The following PHACTR1 variants were observed in gnomAD, a reference collection of about 807,000 sequenced individuals.
The protein encoded by PHACTR1 is RPEL repeat containing 1.
In PHACTR1, 16 loss-of-function variants were observed where a neutral mutation model predicts 69.2. The observed-to-expected ratio is 0.23, with a 90% CI of 0.16 to 0.35. The LOEUF is 0.35. Ranked by LOEUF, PHACTR1 falls within the 10% of genes least tolerant of loss-of-function variation. The pLI is 1.00. For synonymous variants in PHACTR1, 312 were observed against 284.5 expected, an observed-to-expected ratio of 1.10 and a Z score of -0.97; for missense variants, 510 against 734.7, an observed-to-expected ratio of 0.69 and a Z score of 3.54.
chr6:13,110,811 G>A (rs951126844), intron 5 of PHACTR1, among the ~76,000 whole-genome samples: 8 of 152,140 alleles, frequency 5.3e-5, no homozygotes, highest in Non-Finnish European at 7.4e-5. Flanking sequence ...TTTTGTCCAG[G>A]TTCCTACTTT....
intron 3 of PHACTR1, among the ~76,000 whole-genome samples, chr6:12,746,096 G>A (rs1372148020): frequency 6.6e-6 from 1 of 152,202 alleles, no homozygotes; most frequent in African/African-American, 2.4e-5. Flanking sequence ...GACTGACTGT[G>A]TGGAACTGTT....
chr6:12,738,462 C>A (rs1764596127), intron 3 of PHACTR1, among the ~76,000 whole-genome samples: 1 of 152,178 alleles, frequency 6.6e-6, no homozygotes, highest in East Asian at 1.9e-4. Flanking sequence ...AGTTAGCATC[C>A]CTTATCAGTT....
intron 4 of PHACTR1, among the ~76,000 whole-genome samples, chr6:12,864,573 G>T (rs1264077740): frequency 6.6e-6 from 1 of 151,906 alleles, no homozygotes; most frequent in Non-Finnish European, 1.5e-5. Context: ...CCAGCTACTC[G>T]GGAGGCTGAG....
At chr6:13,137,800 T>C (rs1011569068) in intron 5 of PHACTR1, among the ~76,000 whole-genome samples, 1 of 152,272 alleles carries the variant, frequency 6.6e-6, no homozygotes, top group Admixed American at 6.5e-5. Context: ...ATATGTCTGT[T>C]GGGCTCACCT....
chr6:12,821,474 AAAAAAAAAAAGAG>A (rs1776198596), intron 4 of PHACTR1, among the ~76,000 whole-genome samples: 1 of 106,194 alleles, frequency 9.4e-6, no homozygotes, highest in Admixed American at 1.1e-4. Context: ...AAAAAAAAAA[AAAAAAAAAAAGAG>A]AGAGAGAGAG....
chr6:13,239,621 G>A (rs1772523657), intron 10 of PHACTR1, among the ~76,000 whole-genome samples: 1 of 152,218 alleles, frequency 6.6e-6, no homozygotes, highest in African/African-American at 2.4e-5. Flanking sequence ...CACATGTAGA[G>A]GTTCTGGCAT....
intron 11 of PHACTR1, among the ~76,000 whole-genome samples, chr6:13,276,937 T>C (rs1487465722): frequency 6.6e-6 from 1 of 152,188 alleles, no homozygotes; most frequent in East Asian, 1.9e-4. Flanking sequence ...AGCCAACTAG[T>C]GTCCCAGGCA....
chr6:12,757,993 T>G (rs1767549430), intron 4 of PHACTR1, among the ~76,000 whole-genome samples: 1 of 152,092 alleles, frequency 6.6e-6, no homozygotes, highest in Non-Finnish European at 1.5e-5. Flanking sequence ...GTACCTGCAG[T>G]CCCAGCTCCT....
chr6:12,807,227 T>C (rs781342259), intron 4 of PHACTR1, among the ~76,000 whole-genome samples: 16 of 152,328 alleles, frequency 1.1e-4, no homozygotes, highest in South Asian at 2.1e-4. Context: ...GGGTACCCGA[T>C]GAGTAGTTCA....
At chr6:13,215,668 G>T (rs748188878) in intron 8 of PHACTR1, among the ~76,000 whole-genome samples, 2 of 152,166 alleles carry the variant, frequency 1.3e-5, no homozygotes, top group Non-Finnish European at 2.9e-5. Flanking sequence ...AGTCCCAAAT[G>T]GTTTACTCAT....
At chr6:13,239,870 G>A (rs1006656177) in intron 10 of PHACTR1, among the ~76,000 whole-genome samples, 3 of 152,164 alleles carry the variant, frequency 2.0e-5, no homozygotes, top group Non-Finnish European at 2.9e-5. Context: ...GCCCAGTACC[G>A]CATGTTGAGG....
rs971821705 is a variant in PHACTR1, at chr6:12,989,704, G to A, written c.251-63661G>A. On this transcript the variant is annotated intron_variant, in intron 4 of 14. Transcript: ENST00000332995. ...GGGCCAGTTGCAAAATGGAGGCTGC[G>A]AAAGGCCCAGAGTTTTGGTCTCCAC... 1.1e-4 allele frequency among the ~76,000 whole-genome samples: 16 copies of A among 152,294 alleles called. No homozygotes were observed. In the East Asian group the frequency reaches 1.7e-3, roughly 17 times the overall value.
At chr6:12,749,129 G>C (rs916237773) in intron 3 of PHACTR1, among the ~76,000 whole-genome samples, 3 of 152,254 alleles carry the variant, frequency 2.0e-5, no homozygotes, top group Non-Finnish European at 4.4e-5. Context: ...CCGCGGGCGC[G>C]GCACGCTCAC....
intron 4 of PHACTR1, among the ~76,000 whole-genome samples, chr6:12,756,392 T>G (rs550088193): frequency 6.6e-6 from 1 of 152,288 alleles, no homozygotes; most frequent in South Asian, 2.1e-4. Context: ...AAAGTGGATG[T>G]GATTTCGGGG....
chr6:12,768,762 C>A (rs115874730), intron 4 of PHACTR1, among the ~76,000 whole-genome samples: 2,248 of 147,032 alleles, frequency 0.015, 31 homozygotes, highest in Non-Finnish European at 0.025. Flanking sequence ...ATACTGTTTT[C>A]CATAATGGCC....
At chr6:12,916,017 A>C (rs1786947825) in intron 4 of PHACTR1, among the ~76,000 whole-genome samples, 1 of 152,172 alleles carries the variant, frequency 6.6e-6, no homozygotes, top group South Asian at 2.1e-4. Context: ...TACCAGGCAA[A>C]ACTGTGCGTG....
intron 4 of PHACTR1, among the ~76,000 whole-genome samples, chr6:12,930,367 G>A (rs1788733814): frequency 6.6e-6 from 1 of 152,152 alleles, no homozygotes; most frequent in African/African-American, 2.4e-5. Flanking sequence ...TGGGTGTGTG[G>A]AGAACCTCTT....
intron 4 of PHACTR1, among the ~76,000 whole-genome samples, chr6:12,954,948 C>G (rs575302328): frequency 6.6e-6 from 1 of 152,134 alleles, no homozygotes; most frequent in Non-Finnish European, 1.5e-5. Flanking sequence ...CTACTGGGCA[C>G]TTGAAATGTG....
chr6:13,055,511 A>C (rs1364206813), intron 5 of PHACTR1, among the ~76,000 whole-genome samples: 5 of 152,228 alleles, frequency 3.3e-5, no homozygotes, highest in Non-Finnish European at 7.3e-5. Context: ...AGTGTTTTGT[A>C]AGCATTGAAA....
Sources: allele counts gnomAD v4.1 joint callset (sites outside exome capture counted in the v4.1 genomes callset), GRCh38; gene constraint gnomAD v4.1.1; transcripts MANE v1.5; gene names NCBI Gene and HGNC (gene_info 2026-07-23, HGNC 2026-07-21).